KPNA7: variants seen among roughly 807,000 people sequenced by gnomAD.
KPNA7 encodes importin subunit alpha-8.
Under a neutral mutation model 53.7 loss-of-function variants are expected in KPNA7, and 54 were observed. That is an observed-to-expected ratio of 1.01 (90% CI 0.81 to 1.26). KPNA7 has a LOEUF of 1.26. Among genes scored for constraint, KPNA7 ranks in the 50% most tolerant of loss-of-function variants. The pLI is 0.00. For synonymous variants in KPNA7, 276 were observed against 259.3 expected, an observed-to-expected ratio of 1.06 and a Z score of -0.62; for missense variants, 640 against 644.5, an observed-to-expected ratio of 0.99 and a Z score of 0.07.
chr7:99,166,763 G>T, the KPNA7 span, among the ~76,000 whole-genome samples: 2 of 151,938 alleles, frequency 1.3e-5, no homozygotes, highest in Non-Finnish European at 2.9e-5. Flanking sequence ...GGGATTACAG[G>T]CATGTGCCAC....
chr7:99,165,104 G>A, the KPNA7 span, among the ~76,000 whole-genome samples: 3 of 152,134 alleles, frequency 2.0e-5, no homozygotes, highest in Non-Finnish European at 4.4e-5. Flanking sequence ...TCATGCCACT[G>A]CACTCCAGCC....
intron 1 of KPNA7, among the ~76,000 whole-genome samples, chr7:99,213,260 G>A (rs1489029833): frequency 1.3e-5 from 2 of 151,126 alleles, no homozygotes; most frequent in African/African-American, 4.9e-5. Flanking sequence ...CCAAGTAGCT[G>A]GAACTAAAGG....
At chr7:99,179,353 T>C (rs1450895452) in intron 9 of KPNA7, among the ~76,000 whole-genome samples, 1 of 151,840 alleles carries the variant, frequency 6.6e-6, no homozygotes, top group Admixed American at 6.6e-5. Context: ...GCCCAGGACT[T>C]TGAGACCAGT....
chr7:99,160,571 T>G, the KPNA7 span, among the ~76,000 whole-genome samples: 1 of 152,080 alleles, frequency 6.6e-6, no homozygotes, highest in South Asian at 2.1e-4. Context: ...GATTCAGGTT[T>G]GAGTCACTGC....
At position 99,178,016 on chromosome 7, in the gene KPNA7, T is replaced by C. The variant is rs371484117; in HGVS notation, c.1368A>G (p.Glu456=). 26 of 1,551,704 alleles carry C rather than the reference T, an allele frequency of 1.7e-5. No homozygotes were observed. In the East Asian group the frequency reaches 3.9e-4, roughly 23 times the overall value. The change falls in exon 10 of 11, where the codon GAA becomes GAG. Residue 456 remains glutamate, a synonymous_variant. Transcript: ENST00000327442. The stretch of plus-strand genomic sequence containing the variant: ...CCTCAATTCTATCGATCCCACCAAG[T>C]TCTTCTATCAGAAGACACAGGTTTT... ...EKENLCLLIE[E]LGGIDRIEAL...
intron 9 of KPNA7, among the ~76,000 whole-genome samples, chr7:99,180,476 GGCAGA>G (rs1263802345): frequency 6.6e-5 from 10 of 151,116 alleles, no homozygotes; most frequent in African/African-American, 1.7e-4. Flanking sequence ...CAACCTCGGT[GGCAGA>G]GCAGAGATCC....
At chr7:99,159,656 G>A in the KPNA7 span, among the ~76,000 whole-genome samples, 11 of 152,146 alleles carry the variant, frequency 7.2e-5, no homozygotes, top group East Asian at 3.9e-4. Flanking sequence ...TGATCATTCC[G>A]ATTTCTCTAA....
chr7:99,154,739 C>G, the KPNA7 span, among the ~76,000 whole-genome samples: 142 of 151,912 alleles, frequency 9.3e-4, no homozygotes, highest in African/African-American at 3.4e-3. Flanking sequence ...GTTGTCCAAG[C>G]TGGTCTCGAT....
chr7:99,214,674 G>A (rs375552445), intron 1 of KPNA7, among the ~76,000 whole-genome samples: 108 of 648 alleles, frequency 0.17, 16 homozygotes, highest in Non-Finnish European at 0.31. Flanking sequence ...GGAGGTAGGG[G>A]AGGGGAGGGG....
chr7:99,195,404 T>G, intron 4 of KPNA7, 66 bp from the exon 5 acceptor site: 1 of 1,449,670 alleles, frequency 6.9e-7, no homozygotes, highest in Non-Finnish European at 9.4e-7. Context: ...GGACCTCCTT[T>G]TAGGCCAGGT....
chr7:99,193,234 G>T, intron 5 of KPNA7, 133 bp from the exon 6 acceptor site: 1 of 526,462 alleles, frequency 1.9e-6, no homozygotes, highest in Non-Finnish European at 3.3e-6. Flanking sequence ...AGGTAGTAGA[G>T]CCACGTACTA....
intron 1 of KPNA7, among the ~76,000 whole-genome samples, chr7:99,214,693 G>A (rs199775322): frequency 0.017 from 40 of 2,298 alleles, 7 homozygotes; most frequent in South Asian, 0.14. Context: ...GGAGGTAGGG[G>A]AGGGGAGGGG....
downstream of KPNA7, among the ~76,000 whole-genome samples, chr7:99,169,611 C>T (rs1186514144): frequency 1.3e-5 from 2 of 151,362 alleles, no homozygotes; most frequent in African/African-American, 4.9e-5. Context: ...AGCATGATTC[C>T]ATCTCAAAAA....
chr7:99,219,336 T>C (rs538784735), intron 1 of KPNA7, among the ~76,000 whole-genome samples: 1 of 152,266 alleles, frequency 6.6e-6, no homozygotes, highest in Non-Finnish European at 1.5e-5. Flanking sequence ...GCTCCTAGGA[T>C]CTAGCTAGGT....
In KPNA7 at chr7:99,188,350, C is replaced by A. The variant is rs528934094; in HGVS notation, c.850G>T (p.Val284Phe). The A allele has an allele frequency of 1.9e-4, 290 of 1,551,510 alleles. No individual in the cohort carries two copies. The highest frequency in any genetic ancestry group is 5.5e-4 in the Admixed American group (28 of 50,936). Reference sequence around the variant, plus strand: ...ATGAGCACTACCAGCCTGGGCAGGACCCCCGTGTTAACCACTTGGCCGATG... The same window carrying A: ...ATGAGCACTACCAGCCTGGGCAGGAACCCCGTGTTAACCACTTGGCCGATG... Reference protein sequence around the residue: ...KRIGQVVNTGVLPRLVVLMTS... With the variant: ...KRIGQVVNTGFLPRLVVLMTS... The change falls in exon 7 of 11, where the codon GTC (valine) becomes TTC (phenylalanine). Residue 284 changes from valine (V) to phenylalanine (F), a missense_variant. Physicochemically the swap from Val to Phe is conservative, Grantham distance 50 (BLOSUM62 -1). Coordinates refer to ENST00000327442, the MANE Select transcript of KPNA7 (RefSeq NM_001145715.3).
intron 9 of KPNA7, among the ~76,000 whole-genome samples, chr7:99,180,228 A>G (rs1037850997): frequency 1.3e-5 from 2 of 152,168 alleles, no homozygotes; most frequent in Admixed American, 6.5e-5. Flanking sequence ...TTGGCTAGGC[A>G]TGGTGGCTCA....
At chr7:99,184,313 C>A (rs1789457765) in intron 8 of KPNA7, among the ~76,000 whole-genome samples, 1 of 151,992 alleles carries the variant, frequency 6.6e-6, no homozygotes, top group Admixed American at 6.6e-5. Flanking sequence ...TGCCACCAAG[C>A]CTGGCTAATT....
At chr7:99,207,562 C>G in intron 1 of KPNA7, 73 bp from the exon 2 acceptor site, 1 of 589,016 alleles carries the variant, frequency 1.7e-6, no homozygotes, top group Non-Finnish European at 3.0e-6. Flanking sequence ...TCATAAGGCT[C>G]TAACCCTTAA....
chr7:99,209,697 A>G (rs1057457789), upstream of KPNA7, among the ~76,000 whole-genome samples: 4 of 131,518 alleles, frequency 3.0e-5, no homozygotes, highest in East Asian at 2.0e-4. Context: ...AAAAAAAAAA[A>G]AAAAAAAAAA....
Sources: gnomAD v4.1 joint callset for allele counts (sites outside exome capture counted in the v4.1 genomes callset) on GRCh38, gnomAD v4.1.1 for gene constraint, MANE v1.5 for transcripts, NCBI Gene and HGNC (gene_info 2026-07-23, HGNC 2026-07-21) for gene names.